Variants in SH2D4A observed in about 807,000 individuals in gnomAD.
SH2D4A encodes the protein SH2 domain containing 4A, also known as SH2 domain-containing protein 4A.
Under a neutral mutation model 64.7 loss-of-function variants are expected in SH2D4A, and 70 were observed. The observed-to-expected ratio is 1.08, with a 90% CI of 0.89 to 1.32. The LOEUF (loss-of-function observed/expected upper bound fraction) is 1.32. SH2D4A is among the 40% of genes most tolerant of loss of function. SH2D4A has a pLI of 0.00. For synonymous variants in SH2D4A, 268 were observed against 200.7 expected (o/e 1.34, Z -2.83); for missense variants, 706 against 540.1 (o/e 1.31, Z -3.04).
intron 2 of SH2D4A, among the ~76,000 whole-genome samples, chr8:19,330,233 C>G (rs1218460480): frequency 6.6e-6 from 1 of 152,184 alleles, no homozygotes; most frequent in Non-Finnish European, 1.5e-5. Flanking sequence ...ACTCATTATA[C>G]TAGAACAACT....
At chr8:19,364,504 A>G (rs1484320172) in intron 7 of SH2D4A, among the ~76,000 whole-genome samples, 1 of 152,092 alleles carries the variant, frequency 6.6e-6, no homozygotes, top group South Asian at 2.1e-4. Flanking sequence ...TATACTTAGT[A>G]TACCCAGTGA....
Position 19,364,055 on chromosome 8 carries a change from C to T in SH2D4A, c.707-17C>T, listed in dbSNP as rs1264551835. 1 of 1,613,340 alleles carries T rather than the reference C, an allele frequency of 6.2e-7. No homozygotes were observed. ...GTGGGCTGATGAGGGTTTTCTCCGA[C>T]CCCGTTGTTTTTCCAGTGCGAAAAT... On this transcript the variant is annotated splice_polypyrimidine_tract_variant and intron_variant, in intron 6 of 9. Transcript: ENST00000265807.
At chr8:19,393,634 C>A in intron 9 of SH2D4A, 93 bp downstream of exon 9, 1 of 1,265,528 alleles carries the variant, frequency 7.9e-7, no homozygotes, top group Non-Finnish European at 1.1e-6. Context: ...AGGACTGAGA[C>A]AAGTACTGGG....
chr8:19,361,607 C>G (rs547095092), intron 6 of SH2D4A, among the ~76,000 whole-genome samples: 1 of 152,206 alleles, frequency 6.6e-6, no homozygotes, highest in South Asian at 2.1e-4. Flanking sequence ...TGATCTTAGA[C>G]TGTTTATATC....
chr8:19,343,875 A>C (rs996136124), intron 4 of SH2D4A, among the ~76,000 whole-genome samples: 3 of 152,120 alleles, frequency 2.0e-5, no homozygotes, highest in Non-Finnish European at 2.9e-5. Context: ...TGGCCTGTTC[A>C]CTGGTTTGTG....
At position 19,393,403 on chromosome 8, in the gene SH2D4A, C is replaced by A; in HGVS notation, c.1134C>A (p.Ile378=). ...TTCTCATCCGAGTCAGTGAAAGGAT[C>A]AAAGGCTATGCCCTGTCCTATCTGT... is the stretch of plus-strand genomic sequence containing the variant. ...GSFLIRVSER[I]KGYALSYLSE... The change falls in exon 9 of 10, where the codon ATC becomes ATA. Residue 378 remains isoleucine, a synonymous_variant. Transcript: ENST00000265807. 6.2e-7 allele frequency: 1 copy of A among 1,614,140 alleles called. No individual in the cohort carries two copies. The highest frequency in any genetic ancestry group is 8.5e-7 in the Non-Finnish European group (1 of 1,179,958).
intron 7 of SH2D4A, among the ~76,000 whole-genome samples, chr8:19,367,981 T>C (rs960319180): frequency 6.6e-6 from 1 of 152,140 alleles, no homozygotes; most frequent in Non-Finnish European, 1.5e-5. Context: ...TATTTTCTTT[T>C]GGTAGCTTCA....
At chr8:19,319,849 A>T in intron 2 of SH2D4A, 121 bp downstream of exon 2, 1 of 1,003,270 alleles carries the variant, frequency 1.0e-6, no homozygotes, top group Non-Finnish European at 1.4e-6. Context: ...GATGAATCCT[A>T]AATGTTATTG....
At chr8:19,391,147 G>A (rs1283833967) in intron 8 of SH2D4A, among the ~76,000 whole-genome samples, 3 of 152,182 alleles carry the variant, frequency 2.0e-5, no homozygotes, top group Admixed American at 6.5e-5. Flanking sequence ...GTCTCATACA[G>A]TGTCTTTAGA....
At chr8:19,375,346 C>T (rs766422599) in intron 8 of SH2D4A, 5 of 152,154 alleles carry the variant, frequency 3.3e-5, no homozygotes, top group African/African-American at 4.8e-5. Flanking sequence ...AATCGCTTAT[C>T]ACCGGGAAGC....
chr8:19,332,691 C>CAAA (rs58695585), intron 2 of SH2D4A, among the ~76,000 whole-genome samples: 1 of 81,640 alleles, frequency 1.2e-5, no homozygotes. Context: ...GTGAGACTGT[C>CAAA]AAAAAAAAAA....
intron 7 of SH2D4A, among the ~76,000 whole-genome samples, chr8:19,367,355 T>A (rs1485597511): frequency 1.3e-5 from 2 of 152,174 alleles, no homozygotes; most frequent in African/African-American, 4.8e-5. Context: ...TAATTTATAT[T>A]CTTACTAGCA....
At chr8:19,313,873 G>T in intron 1 of SH2D4A, 50 bp downstream of exon 1, 1 of 1,402,532 alleles carries the variant, frequency 7.1e-7, no homozygotes, top group South Asian at 1.5e-5. Flanking sequence ...GCGTGGGGTG[G>T]GAGTAGGGGG....
intron 8 of SH2D4A, chr8:19,375,722 C>G (rs1346989866): frequency 6.6e-6 from 1 of 151,736 alleles, no homozygotes; most frequent in East Asian, 1.9e-4. Context: ...TTCAAAAGTG[C>G]CAAAAGAGTA....
chr8:19,392,569 T>C lies in SH2D4A; in HGVS notation c.1049-749T>C, dbSNP rs1045012294. On this transcript the variant is annotated intron_variant, in intron 8 of 9. Transcript: ENST00000265807. ...CCAAGTCAAATCACTCCCCAGGCCATTGAGTCCTTGTTGGTAAACTGAGGT... is the reference window on the plus strand; with the variant it reads ...CCAAGTCAAATCACTCCCCAGGCCACTGAGTCCTTGTTGGTAAACTGAGGT... Among the ~76,000 whole-genome samples, 5 of 152,094 alleles carry C rather than the reference T, an allele frequency of 3.3e-5. No homozygotes were observed. The East Asian group carries it at 5.8e-4, about 18-fold the overall frequency.
Position 19,393,370 on chromosome 8 carries a change from C to T in SH2D4A, c.1101C>T (p.Pro367=), listed in dbSNP as rs148316756. The change falls in exon 9 of 10, where the codon CCC becomes CCT. Residue 367 remains proline (P), a synonymous_variant. Transcript: ENST00000265807. ...ANELLLSTGM[P]GSFLIRVSER... is the part of the protein sequence containing the mutation. ...AACTTCTTCTGAGCACAGGCATGCC[C>T]GGCAGTTTTCTCATCCGAGTCAGTG... The T allele has an allele frequency of 1.9e-5, 31 of 1,614,068 alleles. No individual in the cohort carries two copies. The highest frequency in any genetic ancestry group is 1.2e-4 in the Admixed American group (7 of 60,008).
chr8:19,373,000 C>A (rs543051058), intron 7 of SH2D4A, among the ~76,000 whole-genome samples: 1 of 152,198 alleles, frequency 6.6e-6, no homozygotes, highest in Admixed American at 6.5e-5. Flanking sequence ...TTTGCAAATA[C>A]CTGCTTTCCA....
At chr8:19,380,036 T>A (rs530091635) in intron 8 of SH2D4A, among the ~76,000 whole-genome samples, 2 of 152,268 alleles carry the variant, frequency 1.3e-5, no homozygotes, top group South Asian at 4.1e-4. Flanking sequence ...GTGCCTGTTA[T>A]CCTTTTTTTC....
chr8:19,348,661 C>G (rs1029759678), intron 4 of SH2D4A, among the ~76,000 whole-genome samples: 1 of 152,160 alleles, frequency 6.6e-6, no homozygotes, highest in African/African-American at 2.4e-5. Context: ...AAAGAATATG[C>G]TGAATTATTT....
Sources: allele counts gnomAD v4.1 joint callset (sites outside exome capture counted in the v4.1 genomes callset), GRCh38; gene constraint gnomAD v4.1.1; transcripts MANE v1.5; gene names NCBI Gene and HGNC (gene_info 2026-07-23, HGNC 2026-07-21).